Variants in SGCZ observed in about 807,000 individuals in gnomAD.
The protein encoded by SGCZ is zeta-sarcoglycan.
In SGCZ, 40 loss-of-function variants were observed where a neutral mutation model predicts 41.3. The observed-to-expected ratio is 0.97, with a 90% CI of 0.75 to 1.26. The LOEUF (loss-of-function observed/expected upper bound fraction) is 1.26. Among genes scored for constraint, SGCZ ranks in the 50% most tolerant of loss-of-function variants. The probability of loss-of-function intolerance (pLI) is 0.00; values close to 1 mark genes in which losing one functional copy is unlikely to be tolerated. For synonymous variants in SGCZ, 206 were observed against 137.5 expected (o/e 1.50, Z -3.49); for missense variants, 552 against 369.8 (o/e 1.49, Z -4.04).
At chr8:14,147,343 C>T (rs745952110) in intron 5 of SGCZ, among the ~76,000 whole-genome samples, 6 of 152,016 alleles carry the variant, frequency 3.9e-5, no homozygotes, top group Non-Finnish European at 7.4e-5. Flanking sequence ...TAAAGATACA[C>T]ACAGACTGAA....
intron 1 of SGCZ, among the ~76,000 whole-genome samples, chr8:14,849,910 C>A (rs545565274): frequency 6.6e-6 from 1 of 152,084 alleles, no homozygotes; most frequent in African/African-American, 2.4e-5. Flanking sequence ...CAAAATGTCT[C>A]TTTTATTTCT....
At chr8:14,509,919 G>A (rs1294872339) in intron 2 of SGCZ, among the ~76,000 whole-genome samples, 1 of 151,924 alleles carries the variant, frequency 6.6e-6, no homozygotes, top group Non-Finnish European at 1.5e-5. Context: ...AACAGCATGG[G>A]GGGACACGTC....
intron 1 of SGCZ, among the ~76,000 whole-genome samples, chr8:14,886,511 G>C (rs1258358048): frequency 6.6e-6 from 1 of 152,016 alleles, no homozygotes; most frequent in East Asian, 1.9e-4. Context: ...ACACCTCAGG[G>C]AGGTGAGAGA....
rs557831059 is a variant in SGCZ at position 14,106,119 on chromosome 8, C to T, written c.620+2044G>A. On this transcript the variant is annotated intron_variant, in intron 6 of 7. Transcript: ENST00000382080. Reference sequence around the variant, plus strand: ...TTAATGTCCTCATTTTTCAGCTTTGCTAAGTTTCAGTAATTCACATTAACA... The same window carrying T: ...TTAATGTCCTCATTTTTCAGCTTTGTTAAGTTTCAGTAATTCACATTAACA... Among the ~76,000 whole-genome samples the T allele has an allele frequency of 4.6e-5, 7 of 152,196 alleles. No homozygotes were observed. The South Asian group carries it at 1.5e-3, about 32-fold the overall frequency.
At chr8:14,919,072 T>C (rs1273090051) in intron 1 of SGCZ, among the ~76,000 whole-genome samples, 1 of 152,146 alleles carries the variant, frequency 6.6e-6, no homozygotes, top group East Asian at 1.9e-4. Flanking sequence ...TTAAGATGCG[T>C]TGATTCAATT....
chr8:14,924,835 C>A (rs1257013761), intron 1 of SGCZ, among the ~76,000 whole-genome samples: 1 of 141,680 alleles, frequency 7.1e-6, no homozygotes, highest in Non-Finnish European at 1.5e-5. Flanking sequence ...TCCTGTATGT[C>A]TTTATCTAGG....
chr8:14,348,992 T>A (rs1802993689), intron 2 of SGCZ, among the ~76,000 whole-genome samples: 1 of 152,124 alleles, frequency 6.6e-6, no homozygotes, highest in Admixed American at 6.6e-5. Context: ...ATATAAAACT[T>A]AGTAGAGTCA....
chr8:14,240,121 G>A (rs1178186208), intron 3 of SGCZ, among the ~76,000 whole-genome samples: 3 of 151,686 alleles, frequency 2.0e-5, no homozygotes, highest in African/African-American at 7.3e-5. Flanking sequence ...GAGGCCAGGA[G>A]TTTGAAACCA....
chr8:14,702,724 G>A (rs1809177631), intron 1 of SGCZ, among the ~76,000 whole-genome samples: 1 of 124,314 alleles, frequency 8.0e-6, no homozygotes, highest in African/African-American at 3.3e-5. Flanking sequence ...AATTCTGCTG[G>A]CTTCAATGAT....
intron 1 of SGCZ, among the ~76,000 whole-genome samples, chr8:14,756,825 T>C (rs959239060): frequency 2.6e-5 from 4 of 152,328 alleles, no homozygotes; most frequent in East Asian, 1.9e-4. Context: ...GATGTCAGTG[T>C]TATTTAATGA....
chr8:14,218,458 C>T (rs757241561), intron 4 of SGCZ, among the ~76,000 whole-genome samples: 1 of 152,126 alleles, frequency 6.6e-6, no homozygotes, highest in South Asian at 2.1e-4. Context: ...ATTATCTGTT[C>T]CCAGATTAGA....
chr8:14,135,667 C>T (rs1376298263), intron 5 of SGCZ, among the ~76,000 whole-genome samples: 18 of 151,692 alleles, frequency 1.2e-4, no homozygotes, highest in Admixed American at 1.1e-3. Context: ...AACTGAATTG[C>T]TTCCAAAAAA....
At chr8:14,546,714 T>C (rs532728666) in intron 2 of SGCZ, among the ~76,000 whole-genome samples, 27 of 152,282 alleles carry the variant, frequency 1.8e-4, no homozygotes, top group Admixed American at 1.7e-3. Flanking sequence ...TAATATTGTA[T>C]TTATATATTT....
At position 14,833,454 on chromosome 8, in the gene SGCZ, A is replaced by T. The variant is rs183862726; in HGVS notation, c.40-278528T>A. 5.3e-5 allele frequency among the ~76,000 whole-genome samples: 8 copies of T among 152,256 alleles called. No individual in the cohort carries two copies. The South Asian group carries it at 6.2e-4, about 12-fold the overall frequency. ...GAGGTATTTTAGGTGAACTTTTCTGACCCATTGACATGGGTCCAGGAAGCA... is the reference window on the plus strand; with the variant it reads ...GAGGTATTTTAGGTGAACTTTTCTGTCCCATTGACATGGGTCCAGGAAGCA... On this transcript the variant is annotated intron_variant, in intron 1 of 7. Coordinates refer to ENST00000382080, the MANE Select transcript of SGCZ (RefSeq NM_139167.4).
Position 14,720,126 on chromosome 8 carries a change from T to G in SGCZ, c.40-165200A>C, listed in dbSNP as rs965483101. Among the ~76,000 whole-genome samples, 3 of 152,126 alleles carry G rather than the reference T, an allele frequency of 2.0e-5. No homozygotes were observed. The South Asian group carries it at 6.2e-4, about 32-fold the overall frequency. On this transcript the variant is annotated intron_variant, in intron 1 of 7. Transcript: ENST00000382080. ...TGTCTTTTTTCTGACTTATATTTTT[T>G]TCTTTTCAGACTATCTGATCTTGGC...
At chr8:14,507,523 C>A (rs945493627) in intron 2 of SGCZ, among the ~76,000 whole-genome samples, 14 of 152,202 alleles carry the variant, frequency 9.2e-5, no homozygotes, top group African/African-American at 3.4e-4. Flanking sequence ...AGAGTCCCCA[C>A]ATCATCTTGA....
At chr8:14,813,908 G>A (rs894217035) in intron 1 of SGCZ, among the ~76,000 whole-genome samples, 1 of 152,096 alleles carries the variant, frequency 6.6e-6, no homozygotes, top group Non-Finnish European at 1.5e-5. Flanking sequence ...AGCCAAGATA[G>A]TGCCACTGCA....
At chr8:15,008,756 GGAGGGAGGGACGGAGGGAGGGGA>G (rs1802710935) in intron 1 of SGCZ, among the ~76,000 whole-genome samples, 1 of 49,728 alleles carries the variant, frequency 2.0e-5, no homozygotes, top group Non-Finnish European at 4.0e-5. Context: ...AGAGGGGGGA[GGAGGGAGGGACGGAGGGAGGGGA>G]GGAGGGAGGG....
chr8:14,908,232 A>G (rs62493335), intron 1 of SGCZ, among the ~76,000 whole-genome samples: 9,574 of 152,244 alleles, frequency 0.063, 373 homozygotes, highest in Middle Eastern at 0.099. Flanking sequence ...TTTTATCTAA[A>G]TTACCTCAAT....
Sources: allele counts gnomAD v4.1 joint callset (sites outside exome capture counted in the v4.1 genomes callset), GRCh38; gene constraint gnomAD v4.1.1; transcripts MANE v1.5; gene names NCBI Gene and HGNC (gene_info 2026-07-23, HGNC 2026-07-21).